The following TMEM45A variants were observed in gnomAD, a reference collection of about 807,000 sequenced individuals.
The protein encoded by TMEM45A is DNA polymerase-transactivated protein 4.
A neutral mutation model predicts 32.0 loss-of-function variants in TMEM45A; 25 were observed. That is an observed-to-expected ratio of 0.78 (90% CI 0.57 to 1.09). The LOEUF (loss-of-function observed/expected upper bound fraction) is 1.09, where lower values mean the gene tolerates loss of function less well. Among genes scored for constraint, TMEM45A ranks in the 50% least tolerant of loss-of-function variants. The pLI is 0.00. For missense variants in TMEM45A, 302 were observed against 325.0 expected (o/e 0.93, Z 0.54); for synonymous variants, 122 against 114.8 (o/e 1.06, Z -0.40).
chr3:100,516,821 A>C (rs547042984), intron 1 of TMEM45A, among the ~76,000 whole-genome samples: 5 of 152,230 alleles, frequency 3.3e-5, no homozygotes, highest in African/African-American at 1.2e-4. Context: ...TGTTGAAGGA[A>C]ATAGTTTTTG....
At chr3:100,556,626 G>T in intron 2 of TMEM45A, 134 bp from the exon 3 acceptor site, 1 of 851,442 alleles carries the variant, frequency 1.2e-6, no homozygotes, top group South Asian at 1.7e-5. Context: ...TCAGCTGTTA[G>T]GGAACAGCTC....
intron 1 of TMEM45A, among the ~76,000 whole-genome samples, chr3:100,525,139 G>C (rs533937170): frequency 5.2e-4 from 79 of 152,000 alleles, no homozygotes; most frequent in African/African-American, 1.8e-3. Context: ...AGTGAGCTAT[G>C]ACTGAGCCAC....
At chr3:100,493,120 C>CATTTTTTTTTTTTTTTTTTTTT (rs1559630375) in intron 1 of TMEM45A, among the ~76,000 whole-genome samples, 192 bp downstream of exon 1, 2 of 115,918 alleles carry the variant, frequency 1.7e-5, no homozygotes, top group Admixed American at 8.7e-5. Context: ...GTTTGCTATT[C>CATTTTTTTTTTTTTTTTTTTTT]TTTTTTTTTT....
intron 1 of TMEM45A, among the ~76,000 whole-genome samples, chr3:100,509,175 T>C (rs1708119656): frequency 6.6e-6 from 1 of 152,126 alleles, no homozygotes. Context: ...AACAGGCATA[T>C]GAAAAACTGC....
At chr3:100,527,702 T>C (rs760610328) in intron 1 of TMEM45A, among the ~76,000 whole-genome samples, 6 of 152,322 alleles carry the variant, frequency 3.9e-5, no homozygotes, top group South Asian at 4.1e-4. Flanking sequence ...TGATGACCTC[T>C]TGCAATGCAA....
At position 100,567,130 on chromosome 3, in the gene TMEM45A, T is replaced by C. The variant is rs528472281; in HGVS notation, c.589-1692T>C. Among the ~76,000 whole-genome samples the C allele has an allele frequency of 2.6e-5, 4 of 152,082 alleles. No individual in the cohort carries two copies. In the South Asian group the frequency reaches 8.3e-4, roughly 32 times the overall value. Reference sequence around the variant, plus strand: ...TGGTTTTAGCTCTCATATTTAGGTCTTTAATCCATTTTGAGTTCATTTTAT... The same window carrying C: ...TGGTTTTAGCTCTCATATTTAGGTCCTTAATCCATTTTGAGTTCATTTTAT... On this transcript the variant is annotated intron_variant, in intron 4 of 5. Coordinates refer to ENST00000323523, the MANE Select transcript of TMEM45A (RefSeq NM_018004.3).
intron 1 of TMEM45A, among the ~76,000 whole-genome samples, chr3:100,519,895 C>T (rs984399854): frequency 6.6e-6 from 1 of 152,144 alleles, no homozygotes; most frequent in Non-Finnish European, 1.5e-5. Flanking sequence ...ATTTCTGTAG[C>T]ATTTTCTTCC....
intron 1 of TMEM45A, among the ~76,000 whole-genome samples, chr3:100,520,554 T>C (rs2148947059): frequency 6.6e-6 from 1 of 152,290 alleles, no homozygotes; most frequent in East Asian, 1.9e-4. Context: ...GCCTTATACA[T>C]TGGGTACCTA....
chr3:100,554,247 A>C (rs971794951), intron 1 of TMEM45A, among the ~76,000 whole-genome samples: 1 of 151,918 alleles, frequency 6.6e-6, no homozygotes, highest in Non-Finnish European at 1.5e-5. Context: ...TGACTCCACT[A>C]TGTGGCAATA....
rs2149000949 is a variant in TMEM45A at position 100,576,934 on chromosome 3, A to C, written c.744A>C (p.Lys248Asn). 6.2e-7 allele frequency: 1 copy of C among 1,612,838 alleles called. No homozygotes were observed. The highest frequency in any genetic ancestry group is 1.1e-5 in the South Asian group (1 of 90,852). The change falls in exon 6 of 6, where the codon AAA (lysine) becomes AAC (asparagine). Residue 248 changes from lysine to asparagine, a missense_variant. By Grantham distance (94) the Lys-to-Asn change is moderately conservative (BLOSUM62 0). Coordinates refer to ENST00000323523, the MANE Select transcript of TMEM45A (RefSeq NM_018004.3). ...TTTTCTTTCTCCTCAGGTTGGTTAA[A>C]TCTAGACTTAAGAGGCTCTGCTCCT... ...MNYAFITWLVKSRLKRLCSSE... is the reference protein window; with the variant it reads ...MNYAFITWLVNSRLKRLCSSE...
intron 1 of TMEM45A, among the ~76,000 whole-genome samples, chr3:100,517,464 G>A (rs1459836040): frequency 2.6e-5 from 4 of 152,240 alleles, no homozygotes; most frequent in Non-Finnish European, 4.4e-5. Flanking sequence ...GGCTTGAAGT[G>A]TATCATCTTT....
intron 1 of TMEM45A, among the ~76,000 whole-genome samples, chr3:100,539,502 C>CGTATACGTATAT (rs1705820585): frequency 1.8e-5 from 1 of 56,682 alleles, no homozygotes; most frequent in East Asian, 4.4e-4. Flanking sequence ...TATACGTATA[C>CGTATACGTATAT]GTATACGTAT....
chr3:100,564,483 T>A (rs1216015279), intron 4 of TMEM45A, among the ~76,000 whole-genome samples: 1 of 151,846 alleles, frequency 6.6e-6, no homozygotes, highest in Non-Finnish European at 1.5e-5. Flanking sequence ...TGTTTTTTTT[T>A]TTTTTCCTTT....
At chr3:100,515,113 C>A (rs1275356977) in intron 1 of TMEM45A, among the ~76,000 whole-genome samples, 10 of 149,684 alleles carry the variant, frequency 6.7e-5, no homozygotes, top group African/African-American at 2.0e-4. Flanking sequence ...TTGACCCAGC[C>A]ATCCCATTAC....
At chr3:100,531,471 G>A (rs756258710) in intron 1 of TMEM45A, among the ~76,000 whole-genome samples, 3 of 152,220 alleles carry the variant, frequency 2.0e-5, no homozygotes, top group Non-Finnish European at 4.4e-5. Context: ...TTGTATTTAG[G>A]ATCATGAGGA....
rs547867869 is a variant in TMEM45A at position 100,557,235 on chromosome 3, G to A, written c.403+263G>A. ...TCTGTCTCAAAGGACCACTTACAAA[G>A]GTTACTCATCTCTGGGTTGTTCTGA... On this transcript the variant is annotated intron_variant, in intron 3 of 5. Transcript: ENST00000323523. 1.2e-4 allele frequency among the ~76,000 whole-genome samples: 18 copies of A among 152,204 alleles called. 1 individual carries two copies. The highest frequency in any genetic ancestry group is 3.1e-4 in the African/African-American group (13 of 41,524).
At chr3:100,519,237 C>A in intron 1 of TMEM45A, 1 of 343,232 alleles carries the variant, frequency 2.9e-6, no homozygotes, top group Non-Finnish European at 5.4e-6. Flanking sequence ...TAAGCAGTAT[C>A]TCCCAGCATT....
intron 1 of TMEM45A, among the ~76,000 whole-genome samples, chr3:100,539,444 T>TATGCATATGC (rs1559644487): frequency 0.034 from 3,067 of 89,930 alleles, 119 homozygotes; most frequent in African/African-American, 0.11. Context: ...TATGTATATG[T>TATGCATATGC]ATATGTATAT....
intron 1 of TMEM45A, 69 bp from the exon 2 acceptor site, chr3:100,555,140 C>T: frequency 7.4e-7 from 1 of 1,356,294 alleles, no homozygotes; most frequent in Non-Finnish European, 1.0e-6. Flanking sequence ...TTTATGGAAA[C>T]AAGTGATGTT....
Sources: gnomAD v4.1 joint callset for allele counts (sites outside exome capture counted in the v4.1 genomes callset) on GRCh38, gnomAD v4.1.1 for gene constraint, MANE v1.5 for transcripts, NCBI Gene and HGNC (gene_info 2026-07-23, HGNC 2026-07-21) for gene names.